The following ELMO1 variants were observed in gnomAD, a reference collection of about 807,000 sequenced individuals.
ELMO1 encodes the protein engulfment and cell motility 1.
Under a neutral mutation model 98.9 loss-of-function variants are expected in ELMO1, and 26 were observed. That is an observed-to-expected ratio of 0.26 (90% CI 0.19 to 0.36). ELMO1 has a LOEUF of 0.36. ELMO1 is among the 10% of genes least tolerant of loss of function. ELMO1 has a pLI of 1.00. For synonymous variants in ELMO1, 346 were observed against 346.0 expected (o/e 1.00, Z 0.00); for missense variants, 627 against 935.2 (o/e 0.67, Z 4.30).
chr7:36,892,363 C>T (rs1301187123), intron 17 of ELMO1, among the ~76,000 whole-genome samples: 1 of 152,196 alleles, frequency 6.6e-6, no homozygotes, highest in Non-Finnish European at 1.5e-5. Flanking sequence ...TATCCTAACC[C>T]TCAAGCTTGG....
chr7:37,345,955 C>T (rs777264895), intron 1 of ELMO1, among the ~76,000 whole-genome samples: 1 of 150,096 alleles, frequency 6.7e-6, no homozygotes, highest in Non-Finnish European at 1.5e-5. Context: ...TGCCACTGCA[C>T]TCCAGCCTGG....
At chr7:37,070,959 A>G (rs189024814) in intron 15 of ELMO1, among the ~76,000 whole-genome samples, 2 of 152,208 alleles carry the variant, frequency 1.3e-5, no homozygotes, top group African/African-American at 4.8e-5. Flanking sequence ...ATTTACTTTC[A>G]CCACATTCCC....
At chr7:37,195,261 C>T (rs1422671478) in intron 13 of ELMO1, among the ~76,000 whole-genome samples, 1 of 152,194 alleles carries the variant, frequency 6.6e-6, no homozygotes, top group East Asian at 1.9e-4. Context: ...TCCATGAAGG[C>T]CTTGGCTTCT....
At chr7:36,928,960 G>A (rs1785804199) in intron 16 of ELMO1, among the ~76,000 whole-genome samples, 1 of 152,196 alleles carries the variant, frequency 6.6e-6, no homozygotes, top group African/African-American at 2.4e-5. Flanking sequence ...CTAGTCATGG[G>A]CAACCATCAC....
chr7:37,098,241 C>T (rs896543066), intron 14 of ELMO1, among the ~76,000 whole-genome samples: 2 of 152,120 alleles, frequency 1.3e-5, no homozygotes, highest in Non-Finnish European at 2.9e-5. Flanking sequence ...ACTTAGTCAA[C>T]AGTATTAATT....
intron 7 of ELMO1, 152 bp from the exon 8 acceptor site, chr7:37,233,346 G>A (rs116847338): frequency 0.011 from 7,330 of 652,770 alleles, 59 homozygotes; most frequent in Non-Finnish European, 0.015. Flanking sequence ...ACTAACATGA[G>A]TGACATGAAG....
chr7:37,053,167 A>G (rs1796204298), intron 15 of ELMO1, among the ~76,000 whole-genome samples: 1 of 152,178 alleles, frequency 6.6e-6, no homozygotes, highest in South Asian at 2.1e-4. Context: ...GCCAAAAATC[A>G]AAAGACAAAA....
chr7:36,865,821 T>G (rs553218177), intron 20 of ELMO1, among the ~76,000 whole-genome samples: 1 of 152,382 alleles, frequency 6.6e-6, no homozygotes, highest in South Asian at 2.1e-4. Flanking sequence ...TATTTATCTT[T>G]GGATTCCTGG....
chr7:37,175,852 AAAAAC>A (rs370277507), intron 13 of ELMO1, among the ~76,000 whole-genome samples: 79 of 152,268 alleles, frequency 5.2e-4, no homozygotes, highest in Middle Eastern at 3.4e-3. Flanking sequence ...GTCTCAAAGA[AAAAAC>A]AAAACAAAAC....
chr7:36,939,706 G>A (rs1271795816), intron 16 of ELMO1, among the ~76,000 whole-genome samples: 1 of 152,192 alleles, frequency 6.6e-6, no homozygotes. Flanking sequence ...GGATGGCGGG[G>A]GGTGCCCCAC....
At chr7:37,107,143 A>C (rs999162348) in intron 14 of ELMO1, among the ~76,000 whole-genome samples, 30 of 152,336 alleles carry the variant, frequency 2.0e-4, no homozygotes, top group African/African-American at 6.7e-4. Flanking sequence ...CTAGATATTA[A>C]AAATACATGT....
At chr7:37,289,079 C>T (rs1797544699) in intron 4 of ELMO1, among the ~76,000 whole-genome samples, 1 of 152,172 alleles carries the variant, frequency 6.6e-6, no homozygotes, top group Non-Finnish European at 1.5e-5. Flanking sequence ...GAATGGGCAT[C>T]TCCATGTTTA....
intron 1 of ELMO1, among the ~76,000 whole-genome samples, chr7:37,397,474 G>A (rs1184267681): frequency 2.6e-5 from 4 of 152,168 alleles, no homozygotes; most frequent in South Asian, 2.1e-4. Context: ...CACAAAAGGC[G>A]TTATGGACAG....
At chr7:37,001,157 A>T (rs189245393) in intron 16 of ELMO1, among the ~76,000 whole-genome samples, 10 of 152,336 alleles carry the variant, frequency 6.6e-5, no homozygotes, top group Admixed American at 2.0e-4. Context: ...GAGTATTAGC[A>T]TCTGAAGAGA....
At chr7:37,059,685 C>G (rs1342385367) in intron 15 of ELMO1, among the ~76,000 whole-genome samples, 1 of 152,160 alleles carries the variant, frequency 6.6e-6, no homozygotes, top group Non-Finnish European at 1.5e-5. Flanking sequence ...GACAGTACAG[C>G]TGAATTCTAG....
At chr7:37,244,330 A>C (rs775535087) in intron 7 of ELMO1, 26 bp downstream of exon 7, 1 of 1,610,784 alleles carries the variant, frequency 6.2e-7, no homozygotes, top group Non-Finnish European at 8.5e-7. Flanking sequence ...TTAAATCATC[A>C]ATATCAATCG....
intron 15 of ELMO1, among the ~76,000 whole-genome samples, chr7:37,067,800 T>C (rs184804763): frequency 6.6e-6 from 1 of 152,272 alleles, no homozygotes; most frequent in Admixed American, 6.5e-5. Context: ...AAAAAAAGCT[T>C]CTTTGAAAGA....
chr7:36,991,834 G>A (rs1268086681), intron 16 of ELMO1, among the ~76,000 whole-genome samples: 1 of 152,148 alleles, frequency 6.6e-6, no homozygotes. Flanking sequence ...TGCTATAAAA[G>A]GCCCCATTTC....
intron 1 of ELMO1, among the ~76,000 whole-genome samples, chr7:37,381,037 C>A (rs1562654389): frequency 6.6e-6 from 1 of 152,172 alleles, no homozygotes; most frequent in African/African-American, 2.4e-5. Context: ...AGACATGAAA[C>A]AAGAAGACAG....
Sources: gnomAD v4.1 joint callset for allele counts (sites outside exome capture counted in the v4.1 genomes callset) on GRCh38, gnomAD v4.1.1 for gene constraint, MANE v1.5 for transcripts, NCBI Gene and HGNC (gene_info 2026-07-23, HGNC 2026-07-21) for gene names.